TTLL5: variants seen among roughly 807,000 people sequenced by gnomAD.
TTLL5 encodes tubulin tyrosine ligase like 5.
TTLL5 carries 132 observed loss-of-function variants against 168.4 expected under a neutral mutation model. The ratio of observed to expected loss-of-function variants is 0.78; its 90% CI spans 0.68 to 0.91. The LOEUF is 0.91. TTLL5 is among the 40% of genes least tolerant of loss of function. The pLI is 0.00. For missense variants in TTLL5, 1,545 were observed against 1,581.5 expected, an observed-to-expected ratio of 0.98 and a Z score of 0.39; for synonymous variants, 546 against 558.6, an observed-to-expected ratio of 0.98 and a Z score of 0.32.
At chr14:75,839,511 G>A (rs1167218742) in intron 28 of TTLL5, among the ~76,000 whole-genome samples, 1 of 152,218 alleles carries the variant, frequency 6.6e-6, no homozygotes, top group African/African-American at 2.4e-5. Flanking sequence ...GAGGCTTCAG[G>A]AAACTTACAA....
chr14:75,816,575 C>T (rs1226840694), intron 27 of TTLL5, among the ~76,000 whole-genome samples: 1 of 152,200 alleles, frequency 6.6e-6, no homozygotes. Flanking sequence ...CACTAATCTC[C>T]AGACGATATC....
Position 75,836,154 on chromosome 14 carries a change from C to G in TTLL5, c.3326+15993C>G, listed in dbSNP as rs891969541. Among the ~76,000 whole-genome samples, 3 of 152,128 alleles carry G rather than the reference C, an allele frequency of 2.0e-5. No individual in the cohort carries two copies. The East Asian group carries it at 5.8e-4, about 29-fold the overall frequency. On this transcript the variant is annotated intron_variant, in intron 28 of 31. Transcript: ENST00000298832. ...TGGAAGCAACCTAAGTATTCATCATCAGATGAGTAGATGAAGAAAATGTGA... is the reference window on the plus strand; with the variant it reads ...TGGAAGCAACCTAAGTATTCATCATGAGATGAGTAGATGAAGAAAATGTGA...
At position 75,783,154 on chromosome 14, in the gene TTLL5, C is replaced by T. The variant is rs1892164823; in HGVS notation, c.2610C>T (p.Thr870=). The T allele has an allele frequency of 3.7e-6, 6 of 1,606,378 alleles. No homozygotes were observed. Among genetic ancestry groups the T allele is most frequent in the Non-Finnish European group, 5.1e-6 (6 of 1,178,272 alleles). Residue 870 remains threonine (T), a synonymous_variant, in exon 26 of 32, where the codon ACC becomes ACT. Coordinates refer to ENST00000298832, the MANE Select transcript of TTLL5 (RefSeq NM_015072.5). Reference sequence around the variant, plus strand: ...TTGTTTTGTTTTTAATAGGATTTACCACTTCAGCAGAAAAAGAGGCAAAAT... The same window carrying T: ...TTGTTTTGTTTTTAATAGGATTTACTACTTCAGCAGAAAAAGAGGCAAAAT... The part of the protein sequence containing the change: ...EIHSDKLSRF[T]TSAEKEAKLV...
In TTLL5 at chr14:75,917,607, A is replaced by G. The variant is rs780657734; in HGVS notation, c.3823+15383A>G. On this transcript the variant is annotated intron_variant, in intron 31 of 31. Transcript: ENST00000298832. ...TTATCCAGCCATTTAACTTTCTCTT[A>G]TTTAGATGGAGCCAGACCTGGAGAG... Among the ~76,000 whole-genome samples the G allele has an allele frequency of 8.6e-4, 131 of 152,192 alleles. 1 individual carries two copies. Among genetic ancestry groups the G allele is most frequent in the Non-Finnish European group, 8.7e-4 (59 of 68,040 alleles).
intron 30 of TTLL5, among the ~76,000 whole-genome samples, chr14:75,898,471 G>C (rs1421131052): frequency 1.3e-5 from 2 of 152,070 alleles, no homozygotes; most frequent in East Asian, 3.9e-4. Flanking sequence ...GCAAAACTCT[G>C]TCTCCACAAA....
chr14:75,945,562 G>GT (rs2140206298), intron 31 of TTLL5, among the ~76,000 whole-genome samples: 1 of 152,044 alleles, frequency 6.6e-6, no homozygotes, highest in East Asian at 1.9e-4. Flanking sequence ...GCCTTCTAAA[G>GT]TTTTTTAATA....
chr14:75,821,688 T>C (rs1894839113), intron 28 of TTLL5, among the ~76,000 whole-genome samples: 1 of 152,098 alleles, frequency 6.6e-6, no homozygotes, highest in Non-Finnish European at 1.5e-5. Context: ...AGTAGTGAGA[T>C]GAAAGATGAT....
intron 5 of TTLL5, among the ~76,000 whole-genome samples, chr14:75,689,187 C>A (rs1231069033): frequency 6.6e-6 from 1 of 152,186 alleles, no homozygotes; most frequent in African/African-American, 2.4e-5. Context: ...ACTGAGGCCT[C>A]CTGCCAGCAG....
chr14:75,768,138 G>A (rs563956222), intron 20 of TTLL5, among the ~76,000 whole-genome samples: 2 of 152,242 alleles, frequency 1.3e-5, no homozygotes, highest in African/African-American at 4.8e-5. Flanking sequence ...AAATTTATTT[G>A]GTTCAGCAAG....
At chr14:75,706,363 T>C (rs1886660594) in intron 7 of TTLL5, among the ~76,000 whole-genome samples, 1 of 152,256 alleles carries the variant, frequency 6.6e-6, no homozygotes, top group African/African-American at 2.4e-5. Context: ...AGAGATTATA[T>C]GTGTTATGTT....
At chr14:75,722,297 G>A (rs1046185804) in intron 12 of TTLL5, among the ~76,000 whole-genome samples, 1 of 151,920 alleles carries the variant, frequency 6.6e-6, no homozygotes, top group African/African-American at 2.4e-5. Flanking sequence ...CCAGGGTGGA[G>A]TACAGTGGCA....
At chr14:75,940,090 T>TC in intron 31 of TTLL5, among the ~76,000 whole-genome samples, 1 of 145,742 alleles carries the variant, frequency 6.9e-6, no homozygotes, top group Admixed American at 6.8e-5. Flanking sequence ...TTTTTTTTTT[T>TC]TTTTTTTTTG....
chr14:75,910,441 G>A (rs1346114514), intron 31 of TTLL5, among the ~76,000 whole-genome samples: 1 of 152,140 alleles, frequency 6.6e-6, no homozygotes, highest in Non-Finnish European at 1.5e-5. Flanking sequence ...CCAGCATAAG[G>A]CTGCCCTTCT....
Position 75,779,633 on chromosome 14 carries a change from G to A in TTLL5, c.2446G>A (p.Val816Ile). The A allele has an allele frequency of 6.2e-7, 1 of 1,613,816 alleles. No homozygotes were observed. The highest frequency in any genetic ancestry group is 1.7e-5 in the Admixed American group (1 of 59,966). Residue 816 changes from valine (V) to isoleucine (I), a missense_variant, in exon 24 of 32, where the codon GTC (valine) becomes ATC (isoleucine). Physicochemically the swap from Val to Ile is conservative, Grantham distance 29. Coordinates refer to ENST00000298832, the MANE Select transcript of TTLL5 (RefSeq NM_015072.5). ...FYTQKNKSAS[V>I]FLGTHSKISK... ...TACCCAAAAGAACAAGTCTGCTAGT[G>A]TCTTCCTGGGGACTCACTCTAAAAT... is the stretch of plus-strand genomic sequence containing the variant.
At chr14:75,870,337 G>C (rs1191560545) in intron 29 of TTLL5, among the ~76,000 whole-genome samples, 1 of 150,714 alleles carries the variant, frequency 6.6e-6, no homozygotes, top group African/African-American at 2.4e-5. Context: ...GAACTCCTGG[G>C]CTCAAGCTAT....
chr14:75,894,098 G>A (rs2032539970), intron 30 of TTLL5, among the ~76,000 whole-genome samples: 1 of 152,126 alleles, frequency 6.6e-6, no homozygotes, highest in South Asian at 2.1e-4. Context: ...AACTGATAAG[G>A]GTCCGTGTCG....
At chr14:75,800,624 G>A (rs1262324887) in intron 27 of TTLL5, among the ~76,000 whole-genome samples, 2 of 152,122 alleles carry the variant, frequency 1.3e-5, no homozygotes, top group African/African-American at 4.8e-5. Context: ...TGGGTTGAAG[G>A]GCTGCTGTTC....
chr14:75,852,157 G>T (rs182329920), intron 28 of TTLL5, among the ~76,000 whole-genome samples: 1 of 152,128 alleles, frequency 6.6e-6, no homozygotes, highest in Non-Finnish European at 1.5e-5. Context: ...GCAGGCTTGC[G>T]CTCGATCTCA....
At chr14:75,693,404 G>A (rs1885598083) in intron 6 of TTLL5, among the ~76,000 whole-genome samples, 1 of 152,156 alleles carries the variant, frequency 6.6e-6, no homozygotes, top group Non-Finnish European at 1.5e-5. Flanking sequence ...TCTCATGAAG[G>A]TATAGCTTTT....
Sources: gnomAD v4.1 joint callset for allele counts (sites outside exome capture counted in the v4.1 genomes callset) on GRCh38, gnomAD v4.1.1 for gene constraint, MANE v1.5 for transcripts, NCBI Gene and HGNC (gene_info 2026-07-23, HGNC 2026-07-21) for gene names.